DAB1: variants seen among roughly 807,000 people sequenced by gnomAD.
DAB1 encodes the protein DAB adaptor protein 1, also known as disabled homolog 1.
Under a neutral mutation model 64.6 loss-of-function variants are expected in DAB1, and 15 were observed. The observed-to-expected ratio is 0.23, with a 90% confidence interval of 0.16 to 0.36. DAB1 has a LOEUF of 0.36. Among genes scored for constraint, DAB1 ranks in the 10% least tolerant of loss-of-function variants. The pLI is 1.00. For missense variants in DAB1, 596 were observed against 706.7 expected, an observed-to-expected ratio of 0.84 and a Z score of 1.78; for synonymous variants, 235 against 251.9, an observed-to-expected ratio of 0.93 and a Z score of 0.64.
Position 57,740,557 on chromosome 1 carries a change from G to A in DAB1, n.552-90892C>T, listed in dbSNP as rs1284189408. Among the ~76,000 whole-genome samples, 4 of 152,198 alleles carry A rather than the reference G, an allele frequency of 2.6e-5. No homozygotes were observed. In the East Asian group the frequency reaches 5.8e-4, roughly 22 times the overall value. On this transcript the variant is annotated intron_variant and non_coding_transcript_variant, in intron 6 of 20. Coordinates refer to the DAB1 transcript ENST00000485760. Reference sequence around the variant, plus strand: ...ATGTGGAAGTATTACATAATGGTTAGGAGCAAGGGTTTCCCTAAGTGCTAG... The same window carrying A: ...ATGTGGAAGTATTACATAATGGTTAAGAGCAAGGGTTTCCCTAAGTGCTAG...
intron 3 of DAB1, among the ~76,000 whole-genome samples, chr1:58,466,034 G>A (rs697589): frequency 0.15 from 23,239 of 152,124 alleles, 1,973 homozygotes; most frequent in Admixed American, 0.25. Flanking sequence ...ATTCCTCTCA[G>A]ATACCCAGCT....
At chr1:58,290,189 A>G (rs1435001898) in intron 4 of DAB1, among the ~76,000 whole-genome samples, 1 of 152,290 alleles carries the variant, frequency 6.6e-6, no homozygotes, top group South Asian at 2.1e-4. Context: ...CTTGACAGAG[A>G]GGAATGTAAA....
intron 8 of DAB1, among the ~76,000 whole-genome samples, chr1:57,064,167 A>G (rs1202031109): frequency 1.3e-5 from 2 of 152,242 alleles, no homozygotes; most frequent in Admixed American, 6.5e-5. Context: ...TAAGAATTTG[A>G]GCTTATTCCT....
intron 7 of DAB1, among the ~76,000 whole-genome samples, chr1:57,557,081 C>A (rs1369439793): frequency 6.6e-6 from 1 of 152,018 alleles, no homozygotes; most frequent in East Asian, 1.9e-4. Context: ...AAGTATTGAT[C>A]CTGGGTGTGT....
At chr1:57,305,142 C>T (rs898246944) in intron 1 of DAB1, among the ~76,000 whole-genome samples, 20 of 152,274 alleles carry the variant, frequency 1.3e-4, no homozygotes, top group Non-Finnish European at 2.4e-4. Context: ...TGAAGAGAAA[C>T]CCCAAAGGAC....
At chr1:57,703,719 T>A (rs1646933802) in intron 6 of DAB1, among the ~76,000 whole-genome samples, 1 of 152,112 alleles carries the variant, frequency 6.6e-6, no homozygotes, top group Non-Finnish European at 1.5e-5. Context: ...TATTCTATTA[T>A]AAAGACACAT....
chr1:57,540,823 G>T (rs1644792764), intron 7 of DAB1, among the ~76,000 whole-genome samples: 3 of 152,188 alleles, frequency 2.0e-5, no homozygotes, highest in Admixed American at 6.5e-5. Context: ...GAGAATGTGT[G>T]TAGTGGGTAG....
At chr1:58,295,562 A>AT (rs1226749609) in intron 4 of DAB1, among the ~76,000 whole-genome samples, 1 of 151,892 alleles carries the variant, frequency 6.6e-6, no homozygotes, top group South Asian at 2.1e-4. Context: ...CTCAAGCCAT[A>AT]TTTTTTCTAT....
At chr1:57,875,572 G>A (rs1644030750) in intron 1 of DAB1, among the ~76,000 whole-genome samples, 1 of 152,178 alleles carries the variant, frequency 6.6e-6, no homozygotes, top group Non-Finnish European at 1.5e-5. Context: ...GTTTATTAAT[G>A]TGTGTCTAGC....
At chr1:57,773,892 A>C (rs1020360073) in intron 6 of DAB1, among the ~76,000 whole-genome samples, 1 of 152,006 alleles carries the variant, frequency 6.6e-6, no homozygotes, top group Non-Finnish European at 1.5e-5. Context: ...ATGCGTTGTT[A>C]CTGTAGTTTT....
chr1:57,522,556 G>A (rs1644541052), intron 7 of DAB1, among the ~76,000 whole-genome samples: 1 of 152,204 alleles, frequency 6.6e-6, no homozygotes, highest in South Asian at 2.1e-4. Flanking sequence ...GGCTGGGGAG[G>A]CCTCACAATC....
chr1:57,304,105 G>A (rs1313832166), intron 1 of DAB1, among the ~76,000 whole-genome samples: 3 of 152,132 alleles, frequency 2.0e-5, no homozygotes, highest in African/African-American at 7.2e-5. Flanking sequence ...GGTTTATCTG[G>A]CTCATGGTTC....
chr1:58,435,422 T>C (rs1283312099), intron 3 of DAB1, among the ~76,000 whole-genome samples: 1 of 152,186 alleles, frequency 6.6e-6, no homozygotes, highest in African/African-American at 2.4e-5. Flanking sequence ...ACTCATATCT[T>C]ATGCATTATA....
At chr1:58,341,150 AG>A (rs1643927849) in intron 4 of DAB1, among the ~76,000 whole-genome samples, 1 of 152,208 alleles carries the variant, frequency 6.6e-6, no homozygotes, top group Non-Finnish European at 1.5e-5. Flanking sequence ...TTAAGAATTG[AG>A]GGAGAGGAGA....
At chr1:58,416,353 G>T (rs563436567) in intron 3 of DAB1, among the ~76,000 whole-genome samples, 1 of 152,160 alleles carries the variant, frequency 6.6e-6, no homozygotes, top group Non-Finnish European at 1.5e-5. Context: ...TCCATTTGGA[G>T]ACTGGGTATA....
chr1:57,900,485 G>A (rs979968111), intron 5 of DAB1, among the ~76,000 whole-genome samples: 3 of 152,318 alleles, frequency 2.0e-5, no homozygotes, highest in Admixed American at 6.5e-5. Context: ...GAGTTTGCAC[G>A]GCAGAGGCCT....
intron 2 of DAB1, among the ~76,000 whole-genome samples, chr1:57,255,848 C>T (rs1024455367): frequency 6.6e-6 from 1 of 152,190 alleles, no homozygotes; most frequent in Non-Finnish European, 1.5e-5. Context: ...ACTGATTAAG[C>T]ATTAAACCTA....
chr1:57,452,473 T>A (rs1305500447), intron 7 of DAB1, among the ~76,000 whole-genome samples: 1 of 152,096 alleles, frequency 6.6e-6, no homozygotes, highest in African/African-American at 2.4e-5. Flanking sequence ...AAGCTGAGGC[T>A]TAGAAAGATG....
intron 2 of DAB1, among the ~76,000 whole-genome samples, chr1:57,261,955 A>C (rs1670214764): frequency 6.6e-6 from 1 of 152,228 alleles, no homozygotes; most frequent in South Asian, 2.1e-4. Flanking sequence ...CAGTACCTGC[A>C]CTGGGCCAAT....
Sources: allele counts gnomAD v4.1 joint callset (sites outside exome capture counted in the v4.1 genomes callset), GRCh38; gene constraint gnomAD v4.1.1; transcripts MANE v1.5; gene names NCBI Gene and HGNC (gene_info 2026-07-23, HGNC 2026-07-21).